CACNB2: variants seen among roughly 807,000 people sequenced by gnomAD.
The protein encoded by CACNB2 is voltage-dependent L-type calcium channel subunit beta-2.
CACNB2 carries 42 observed loss-of-function variants against 73.3 expected under a neutral mutation model. That is an observed-to-expected ratio of 0.57 (90% CI 0.45 to 0.74). The LOEUF (loss-of-function observed/expected upper bound fraction) is 0.74. Among genes scored for constraint, CACNB2 ranks in the 30% least tolerant of loss-of-function variants. The pLI is 0.00. For missense variants in CACNB2, 940 were observed against 853.0 expected (o/e 1.10, Z -1.27); for synonymous variants, 348 against 310.3 (o/e 1.12, Z -1.28).
At chr10:18,438,078 C>T (rs1391994744) in intron 3 of CACNB2, among the ~76,000 whole-genome samples, 1 of 119,992 alleles carries the variant, frequency 8.3e-6, no homozygotes. Context: ...AATGCAGTGG[C>T]GCTATCTCGG....
chr10:18,371,910 T>C (rs2042600656), intron 2 of CACNB2, among the ~76,000 whole-genome samples: 1 of 152,216 alleles, frequency 6.6e-6, no homozygotes, highest in South Asian at 2.1e-4. Flanking sequence ...TGGTGTGAGA[T>C]GGTATCTCAT....
In CACNB2 at chr10:18,303,464, C is replaced by A. The variant is rs531696989; in HGVS notation, c.214-98460C>A. 4.9e-4 allele frequency among the ~76,000 whole-genome samples: 75 copies of A among 152,178 alleles called. 1 individual carries two copies. The highest frequency in any genetic ancestry group is 1.7e-3 in the African/African-American group (72 of 41,516). ...AGGCTGCAGTGAGCCATGATCACGC[C>A]ACTGCAATCCAGCCTGCGTGATAGA... On this transcript the variant is annotated intron_variant, in intron 2 of 13. Coordinates refer to ENST00000324631, the MANE Select transcript of CACNB2 (RefSeq NM_201596.3).
chr10:18,222,653 A>G (rs1443598662), intron 2 of CACNB2, among the ~76,000 whole-genome samples: 1 of 152,182 alleles, frequency 6.6e-6, no homozygotes, highest in African/African-American at 2.4e-5. Flanking sequence ...AAGATGTGAA[A>G]TGGCCAGGCA....
At chr10:18,163,049 A>G (rs1027996550) in intron 2 of CACNB2, among the ~76,000 whole-genome samples, 2 of 152,128 alleles carry the variant, frequency 1.3e-5, no homozygotes, top group Non-Finnish European at 2.9e-5. Context: ...GACAGGATAT[A>G]TATGAAGCAG....
chr10:18,226,095 A>G (rs1030525167), intron 2 of CACNB2, among the ~76,000 whole-genome samples: 8 of 148,390 alleles, frequency 5.4e-5, no homozygotes, highest in Admixed American at 3.4e-4. Flanking sequence ...GGTGTGATCT[A>G]GGCTTACTGC....
At chr10:18,461,024 G>T (rs918170601) in intron 3 of CACNB2, among the ~76,000 whole-genome samples, 9 of 152,126 alleles carry the variant, frequency 5.9e-5, no homozygotes, top group African/African-American at 2.2e-4. Flanking sequence ...CCGCCTCCTG[G>T]GTTCAAGCTA....
rs758622098 is a variant in CACNB2, at chr10:18,182,833, A to C, written c.213+31858A>C. 5.3e-5 allele frequency among the ~76,000 whole-genome samples: 8 copies of C among 152,076 alleles called. No homozygotes were observed. The East Asian group carries it at 5.8e-4, about 11-fold the overall frequency. On this transcript the variant is annotated intron_variant, in intron 2 of 13. Coordinates refer to ENST00000324631, the MANE Select transcript of CACNB2 (RefSeq NM_201596.3). ...TGAGACTCTGTCTCAAAAAAAAAAA[A>C]AACAAAAACCCATAATTTCCTTCAC...
intron 2 of CACNB2, among the ~76,000 whole-genome samples, chr10:18,165,961 A>AT (rs1177125719): frequency 6.6e-6 from 1 of 152,152 alleles, no homozygotes; most frequent in Non-Finnish European, 1.5e-5. Context: ...TTCATGTTAG[A>AT]TTTTAGATCG....
chr10:18,231,428 C>T (rs1260540123), intron 2 of CACNB2, among the ~76,000 whole-genome samples: 1 of 152,244 alleles, frequency 6.6e-6, no homozygotes, highest in African/African-American at 2.4e-5. Context: ...ATCCACCTGC[C>T]TCGGCCTCCC....
At chr10:18,330,569 GC>G (rs775909804) in intron 2 of CACNB2, among the ~76,000 whole-genome samples, 2 of 152,162 alleles carry the variant, frequency 1.3e-5, no homozygotes, top group African/African-American at 2.4e-5. Context: ...GATCATTTGA[GC>G]CCAAGAGGTT....
intron 3 of CACNB2, among the ~76,000 whole-genome samples, chr10:18,478,883 G>A (rs1049746209): frequency 1.3e-5 from 2 of 152,172 alleles, no homozygotes; most frequent in African/African-American, 4.8e-5. Context: ...GGCAGATACA[G>A]CCTTTGCTGT....
At chr10:18,171,982 A>G (rs1184178739) in intron 2 of CACNB2, among the ~76,000 whole-genome samples, 2 of 152,098 alleles carry the variant, frequency 1.3e-5, no homozygotes, top group South Asian at 2.1e-4. Context: ...CTTTAGGCAT[A>G]TATCTAGATG....
chr10:18,275,103 A>G (rs1176996103), intron 2 of CACNB2, among the ~76,000 whole-genome samples: 1 of 152,196 alleles, frequency 6.6e-6, no homozygotes, highest in African/African-American at 2.4e-5. Context: ...GGTGTTTCTC[A>G]TGGCATTTTA....
At chr10:18,457,785 G>T (rs1287033112) in intron 3 of CACNB2, among the ~76,000 whole-genome samples, 1 of 152,120 alleles carries the variant, frequency 6.6e-6, no homozygotes, top group East Asian at 1.9e-4. Flanking sequence ...AGCTACGTGG[G>T]AGGCTGAGGC....
intron 2 of CACNB2, among the ~76,000 whole-genome samples, chr10:18,368,013 T>G (rs1325076046): frequency 6.6e-6 from 1 of 152,114 alleles, no homozygotes; most frequent in African/African-American, 2.4e-5. Flanking sequence ...TTAGGTGCGT[T>G]TGGGGGTACA....
intron 11 of CACNB2, among the ~76,000 whole-genome samples, chr10:18,535,649 T>G (rs1223156773): frequency 7.1e-6 from 1 of 140,270 alleles, no homozygotes; most frequent in East Asian, 1.9e-4. Context: ...GGCGGGTGCC[T>G]GTAGTCCTAG....
In CACNB2 at chr10:18,220,232, T is replaced by TGGGTGGG. The variant is rs2035719332; in HGVS notation, c.213+69257_213+69258insGGGTGGG. Among the ~76,000 whole-genome samples the TGGGTGGG allele has an allele frequency of 6.3e-3, 157 of 25,086 alleles. 4 individuals are homozygous for TGGGTGGG. The highest frequency in any genetic ancestry group is 0.011 in the South Asian group (6 of 540). The allele number at this position is 25,086 out of a possible 152,430, so 16.5% of individuals were successfully genotyped here. A position where few individuals can be genotyped will look rare whatever the true frequency, so the allele number is the denominator to read the frequency against. ...ATATATATATATATATATATATATA[T>TGGGTGGG]AGAGAGAGAGAGAGAGAGAGAGAGA... On this transcript the variant is annotated intron_variant, in intron 2 of 13. Transcript: ENST00000324631.
chr10:18,474,824 G>A (rs577898738), intron 3 of CACNB2, among the ~76,000 whole-genome samples: 5 of 151,794 alleles, frequency 3.3e-5, no homozygotes, highest in East Asian at 1.9e-4. Flanking sequence ...CTAATGCCAC[G>A]TCCTGCAATT....
Position 18,539,367 on chromosome 10 carries a change from C to T in CACNB2, c.1626C>T (p.Arg542=). The change falls in exon 14 of 14, where the codon CGC becomes CGT. Residue 542 remains arginine, a synonymous_variant. Coordinates refer to ENST00000324631, the MANE Select transcript of CACNB2 (RefSeq NM_201596.3). The stretch of plus-strand genomic sequence containing the variant: ...CCTCAGCCCCACACCACAACCATCG[C>T]AGTGGGACAAGTCGCGGCCTCTCCA... ...SSSSAPHHNH[R]SGTSRGLSRQ... 1 of 1,614,152 alleles carries T rather than the reference C, an allele frequency of 6.2e-7. No homozygotes were observed. The highest frequency in any genetic ancestry group is 8.5e-7 in the Non-Finnish European group (1 of 1,180,022).
Sources: allele counts gnomAD v4.1 joint callset (sites outside exome capture counted in the v4.1 genomes callset), GRCh38; gene constraint gnomAD v4.1.1; transcripts MANE v1.5; gene names NCBI Gene and HGNC (gene_info 2026-07-23, HGNC 2026-07-21).